The following SLC17A7 variants were observed in gnomAD, a reference collection of about 807,000 sequenced individuals.
The protein encoded by SLC17A7 is vesicular glutamate transporter 1.
SLC17A7 carries 15 observed loss-of-function variants against 59.1 expected under a neutral mutation model. That is an observed-to-expected ratio of 0.25 (90% CI 0.17 to 0.39). The LOEUF is 0.39. Among genes scored for constraint, SLC17A7 ranks in the 10% least tolerant of loss-of-function variants. The probability of loss-of-function intolerance (pLI) is 1.00; values close to 1 mark genes in which losing one functional copy is unlikely to be tolerated. For missense variants in SLC17A7, 499 were observed against 765.1 expected, an observed-to-expected ratio of 0.65 and a Z score of 4.10; for synonymous variants, 353 against 308.9, an observed-to-expected ratio of 1.14 and a Z score of -1.50.
In SLC17A7 at chr19:49,439,914, C is replaced by T. The variant is rs373240455; in HGVS notation, c.62+1404G>A. ...CCTCCCGCTGCCACCCCCCAGCCCC[C>T]TCCACCAGCACGTCTCTTTCTCTCT... On this transcript the variant is annotated intron_variant, in intron 1 of 11. Coordinates refer to ENST00000221485, the MANE Select transcript of SLC17A7 (RefSeq NM_020309.4). Among the ~76,000 whole-genome samples the T allele has an allele frequency of 5.1e-4, 78 of 151,896 alleles. No individual in the cohort carries two copies. The South Asian group carries it at 0.016, about 31-fold the overall frequency.
Position 49,429,754 on chromosome 19 carries a change from CT to C in SLC17A7, c.*764del. 1 of 395,360 alleles carries C rather than the reference CT, an allele frequency of 2.5e-6. No individual in the cohort carries two copies. Among genetic ancestry groups the C allele is most frequent in the Non-Finnish European group, 4.5e-6 (1 of 224,286 alleles). The allele number at this position is 395,360 out of a possible 1,614,324, so 24.5% of individuals were successfully genotyped here. A position where few individuals can be genotyped will look rare whatever the true frequency, so the allele number is the denominator to read the frequency against. Reference sequence around the variant, plus strand: ...GAGTTCAATGGTGGTAGCTTCAAACCTTTGAGTTCATGGACTGGAGCAGCCA... The same window carrying C: ...GAGTTCAATGGTGGTAGCTTCAAACCTTGAGTTCATGGACTGGAGCAGCCA... On this transcript the variant is annotated 3_prime_UTR_variant, in exon 12 of 12. Coordinates refer to ENST00000221485, the MANE Select transcript of SLC17A7 (RefSeq NM_020309.4).
At chr19:49,432,186 G>T (rs558532207) in intron 9 of SLC17A7, among the ~76,000 whole-genome samples, 1 of 152,264 alleles carries the variant, frequency 6.6e-6, no homozygotes, top group African/African-American at 2.4e-5. Context: ...TGCTCTTAGC[G>T]CCTCTTCATC....
At chr19:49,432,443 A>G (rs2078964121) in intron 9 of SLC17A7, 76 bp downstream of exon 9, 2 of 1,524,290 alleles carry the variant, frequency 1.3e-6, no homozygotes, top group African/African-American at 1.4e-5. Flanking sequence ...GCCTGTAACC[A>G]CTCCCCATCA....
In SLC17A7 at chr19:49,430,966, T is replaced by G. The variant is rs764218142; in HGVS notation, c.1389+49A>C. 1.9e-6 allele frequency: 3 copies of G among 1,576,056 alleles called. No homozygotes were observed. The Admixed American group carries it at 5.2e-5, about 27-fold the overall frequency. ...CAGTGCCACCACGTGGTCAGTTAGG[T>G]ACGAAGCACACACTTGGAGGCAGAC... On this transcript the variant is annotated intron_variant, in intron 11 of 11. Transcript: ENST00000221485.
intron 1 of SLC17A7, among the ~76,000 whole-genome samples, chr19:49,440,113 T>C (rs550318780): frequency 6.6e-6 from 1 of 152,242 alleles, no homozygotes; most frequent in Admixed American, 6.5e-5. Flanking sequence ...TCCCCCCACT[T>C]CTGTCCAGCC....
intron 11 of SLC17A7, 25 bp downstream of exon 11, chr19:49,430,990 A>G (rs779470522): frequency 6.3e-7 from 1 of 1,592,502 alleles, no homozygotes; most frequent in Admixed American, 1.7e-5. Context: ...TTGGAGGCAG[A>G]CTGAGTCAGG....
chr19:49,433,012 C>A lies in SLC17A7; in HGVS notation c.868-52G>T, dbSNP rs1423076772. 1 of 1,545,438 alleles carries A rather than the reference C, an allele frequency of 6.5e-7. No homozygotes were observed. Among genetic ancestry groups the A allele is most frequent in the Non-Finnish European group, 8.8e-7 (1 of 1,135,324 alleles). ...AGACGGGGAGCGGGGCTGAGGGCTT[C>A]TCCGCGTCCCTTCAGGGACCACAGT... On this transcript the variant is annotated intron_variant, in intron 7 of 11. Coordinates refer to ENST00000221485, the MANE Select transcript of SLC17A7 (RefSeq NM_020309.4). The surrounding 1 kb of genome is among the most constrained non-coding windows in gnomAD (Gnocchi z 5.7).
At position 49,433,834 on chromosome 19, in the gene SLC17A7, C is replaced by T; in HGVS notation, c.759G>A (p.Leu253=). ...GCGCGGGGGACTCGTAGGAGACGAG[C>T]AGCCAGAACAGGTACCAGAAGATCC... ...SFGIFWYLFW[L]LVSYESPALH... Residue 253 remains leucine, a synonymous_variant, in exon 7 of 12, where the codon CTG becomes CTA. Coordinates refer to ENST00000221485, the MANE Select transcript of SLC17A7 (RefSeq NM_020309.4). The surrounding 1 kb of genome is among the most constrained non-coding windows in gnomAD (Gnocchi z 5.7). 2 of 1,612,692 alleles carry T rather than the reference C, an allele frequency of 1.2e-6. No homozygotes were observed. Among genetic ancestry groups the T allele is most frequent in the Non-Finnish European group, 1.7e-6 (2 of 1,179,042 alleles).
Position 49,433,428 on chromosome 19 carries a change from T to C in SLC17A7, c.867+298A>G, listed in dbSNP as rs2122296203. ...CTTTTTATCAAAAATGCTCCCAAAATACAGCCTCAACTCAAGGTCTAAGCA... is the reference window on the plus strand; with the variant it reads ...CTTTTTATCAAAAATGCTCCCAAAACACAGCCTCAACTCAAGGTCTAAGCA... On this transcript the variant is annotated intron_variant, in intron 7 of 11. Transcript: ENST00000221485. This position sits in a 1 kb window ranked among gnomAD's most constrained non-coding sequence, Gnocchi z 5.7. 2.0e-6 allele frequency: 1 copy of C among 503,132 alleles called. No individual in the cohort carries two copies. Among genetic ancestry groups the C allele is most frequent in the East Asian group, 3.9e-5 (1 of 25,884 alleles). 31.2% of individuals were successfully genotyped at this position (503,132 alleles called of 1,614,324 possible). A position where few individuals can be genotyped will look rare whatever the true frequency, so the allele number is the denominator to read the frequency against.
intron 9 of SLC17A7, 24 bp downstream of exon 9, chr19:49,432,495 C>T (rs1268434135): frequency 6.2e-7 from 1 of 1,607,050 alleles, no homozygotes; most frequent in East Asian, 2.2e-5. Flanking sequence ...GTCCTAGAGC[C>T]GGCCCAGGCC....
rs541968043 is a variant in SLC17A7 at position 49,433,353 on chromosome 19, C to T, written c.867+373G>A. 1 of 436,926 alleles carries T rather than the reference C, an allele frequency of 2.3e-6. No homozygotes were observed. Among genetic ancestry groups the T allele is most frequent in the African/African-American group, 2.0e-5 (1 of 49,862 alleles). The allele number at this position is 436,926 out of a possible 1,614,324, so 27.1% of individuals were successfully genotyped here. ...CAAGCGATCCTGCAGCCTCCACCCCCAAAGTGTTGGGATTGCAGGCGGAAG... is the reference window on the plus strand; with the variant it reads ...CAAGCGATCCTGCAGCCTCCACCCCTAAAGTGTTGGGATTGCAGGCGGAAG... On this transcript the variant is annotated intron_variant, in intron 7 of 11. Transcript: ENST00000221485. This position sits in a 1 kb window ranked among gnomAD's most constrained non-coding sequence, Gnocchi z 5.7.
Position 49,434,062 on chromosome 19 carries a change from C to T in SLC17A7, c.638-16G>A, listed in dbSNP as rs1278831524. Reference sequence around the variant, plus strand: ...GCATAGGAACCTAAGGGGGAGGATGCGGGGGAGAGAACAGGCCCATCTTCC... The same window carrying T: ...GCATAGGAACCTAAGGGGGAGGATGTGGGGGAGAGAACAGGCCCATCTTCC... On this transcript the variant is annotated splice_polypyrimidine_tract_variant and intron_variant, in intron 5 of 11. Coordinates refer to ENST00000221485, the MANE Select transcript of SLC17A7 (RefSeq NM_020309.4). 2 of 1,570,694 alleles carry T rather than the reference C, an allele frequency of 1.3e-6. No homozygotes were observed. Among genetic ancestry groups the T allele is most frequent in the South Asian group, 1.1e-5 (1 of 90,220 alleles).
At chr19:49,432,111 C>A (rs2078962943) in intron 9 of SLC17A7, among the ~76,000 whole-genome samples, 1 of 151,894 alleles carries the variant, frequency 6.6e-6, no homozygotes, top group Admixed American at 6.6e-5. Flanking sequence ...GCGCGCGCCA[C>A]CACGCCTAGC....
rs1033230549 is a variant in SLC17A7, at chr19:49,433,456, AC to A, written c.867+269del. ...AGCCTCAACTCAAGGTCTAAGCAAA[AC>A]CCCCACATTCTAATCCCTTCTCTGC... On this transcript the variant is annotated intron_variant, in intron 7 of 11. Coordinates refer to ENST00000221485, the MANE Select transcript of SLC17A7 (RefSeq NM_020309.4). The surrounding 1 kb of genome is among the most constrained non-coding windows in gnomAD (Gnocchi z 5.7). 7.0e-6 allele frequency: 4 copies of A among 573,326 alleles called. No homozygotes were observed. Among genetic ancestry groups the A allele is most frequent in the Non-Finnish European group, 9.5e-6 (3 of 314,970 alleles). 35.5% of individuals were successfully genotyped at this position (573,326 alleles called of 1,614,324 possible). A position where few individuals can be genotyped will look rare whatever the true frequency, so the allele number is the denominator to read the frequency against.
Position 49,433,992 on chromosome 19 carries a change from T to G in SLC17A7, c.692A>C (p.Tyr231Ser). ...GTAGAAAACAGAGCTCCATCCTGAG[T>G]ACTGCACAAGGACCCCGGCGAGGGG... ...AMPLAGVLVQ[Y>S]SGWSSVFYVY... is the part of the protein sequence containing the mutation. Residue 231 changes from tyrosine to serine, a missense_variant, in exon 6 of 12, where the codon TAC becomes TCC. Physicochemically the swap from Tyr to Ser is moderately radical, Grantham distance 144. Transcript: ENST00000221485. This position sits in a 1 kb window ranked among gnomAD's most constrained non-coding sequence, Gnocchi z 5.7. 6.2e-7 allele frequency: 1 copy of G among 1,613,208 alleles called. No homozygotes were observed. Among genetic ancestry groups the G allele is most frequent in the South Asian group, 1.1e-5 (1 of 91,054 alleles).
chr19:49,431,256 G>T lies in SLC17A7; in HGVS notation c.1261+82C>A, dbSNP rs998835336. ...CCACTCATGTTCCACCTTTTGTGAG[G>T]CTGAGAGGCCCCGTTCCTGAGCCAG... On this transcript the variant is annotated intron_variant, in intron 10 of 11. Coordinates refer to ENST00000221485, the MANE Select transcript of SLC17A7 (RefSeq NM_020309.4). This position sits in a 1 kb window ranked among gnomAD's most constrained non-coding sequence, Gnocchi z 4.6. The T allele has an allele frequency of 6.3e-7, 1 of 1,582,610 alleles. No homozygotes were observed. Among genetic ancestry groups the T allele is most frequent in the African/African-American group, 1.3e-5 (1 of 74,350 alleles).
chr19:49,439,874 C>T (rs988766883), intron 1 of SLC17A7, among the ~76,000 whole-genome samples: 10 of 151,652 alleles, frequency 6.6e-5, no homozygotes, highest in Admixed American at 2.0e-4. Flanking sequence ...GAGGGAGGGG[C>T]CTGAGGAATA....
At chr19:49,439,808 C>G (rs1286874265) in intron 1 of SLC17A7, among the ~76,000 whole-genome samples, 1 of 152,088 alleles carries the variant, frequency 6.6e-6, no homozygotes, top group African/African-American at 2.4e-5. Flanking sequence ...AGAGTGAGAG[C>G]CAGAGAGATT....
chr19:49,430,908 G>A, intron 11 of SLC17A7, 96 bp from the exon 12 acceptor site: 2 of 1,553,304 alleles, frequency 1.3e-6, no homozygotes, highest in Non-Finnish European at 1.7e-6. Context: ...GAGACCCAGG[G>A]AGGCTGAAAA....
Sources: gnomAD v4.1 joint callset for allele counts (sites outside exome capture counted in the v4.1 genomes callset) on GRCh38, gnomAD v4.1.1 for gene constraint, Gnocchi (gnomAD v3.1) non-coding constraint, MANE v1.5 for transcripts, NCBI Gene and HGNC (gene_info 2026-07-23, HGNC 2026-07-21) for gene names.